SMTNL2: variants seen among roughly 807,000 people sequenced by gnomAD.
SMTNL2 encodes the protein smoothelin like 2.
In SMTNL2, 43 loss-of-function variants were observed where a neutral mutation model predicts 44.1. The observed-to-expected ratio is 0.98, with a 90% CI of 0.76 to 1.26. The LOEUF (loss-of-function observed/expected upper bound fraction) is 1.26, where lower values mean the gene tolerates loss of function less well. Among genes scored for constraint, SMTNL2 ranks in the 50% most tolerant of loss-of-function variants. SMTNL2 has a pLI of 0.00. For synonymous variants in SMTNL2, 317 were observed against 287.6 expected (o/e 1.10, Z -1.03); for missense variants, 646 against 670.2 (o/e 0.96, Z 0.40).
intron 1 of SMTNL2, among the ~76,000 whole-genome samples, chr17:4,590,719 G>A (rs1218176762): frequency 7.2e-5 from 11 of 151,972 alleles, no homozygotes; most frequent in Admixed American, 4.6e-4. Context: ...CTTCTTGCCC[G>A]TGGCCCTCCC....
At chr17:4,584,444 G>A (rs566511428), upstream of SMTNL2, 3 of 714,372 alleles carry the variant, frequency 4.2e-6, no homozygotes, top group Non-Finnish European at 5.7e-6. Context: ...GGGTGTCCCG[G>A]AGTCGTCCCC....
chr17:4,603,175 C>T (rs1208916290), intron 7 of SMTNL2, among the ~76,000 whole-genome samples: 1 of 152,110 alleles, frequency 6.6e-6, no homozygotes, highest in Non-Finnish European at 1.5e-5. Flanking sequence ...CTGGACAACA[C>T]CCGGAAAATG....
chr17:4,597,554 T>C (rs1441453560), intron 7 of SMTNL2, among the ~76,000 whole-genome samples: 1 of 152,160 alleles, frequency 6.6e-6, no homozygotes, highest in East Asian at 1.9e-4. Context: ...ACTCCGTTCC[T>C]GGGGACCTGC....
chr17:4,584,906 A>G lies in SMTNL2; in HGVS notation c.301A>G (p.Ser101Gly). ...GGTGCCCGGCACTCCCGGCACGCCC[A>G]GCCCCCCGCCCGCGCCCGGGGTTCC... The part of the protein sequence containing the change: ...SPVPGTPGTP[S>G]PPPAPGVPDR... Residue 101 changes from serine (S) to glycine (G), a missense_variant, in exon 1 of 8, where the codon AGC becomes GGC. Ser to Gly is a moderately conservative substitution (Grantham distance 56). Transcript: ENST00000389313. 1 of 1,293,048 alleles carries G rather than the reference A, an allele frequency of 7.7e-7. No homozygotes were observed. Among genetic ancestry groups the G allele is most frequent in the Non-Finnish European group, 9.8e-7 (1 of 1,025,518 alleles). 80.1% of individuals were successfully genotyped at this position (1,293,048 alleles called of 1,614,324 possible). A position where few individuals can be genotyped will look rare whatever the true frequency, so the allele number is the denominator to read the frequency against.
Position 4,598,931 on chromosome 17 carries a change from T to TGGCCCC in SMTNL2, c.1259+1615_1259+1620dup, listed in dbSNP as rs1909923280. On this transcript the variant is annotated intron_variant, in intron 7 of 7. Coordinates refer to ENST00000389313, the MANE Select transcript of SMTNL2 (RefSeq NM_001114974.2). This position sits in a 1 kb window ranked among gnomAD's most constrained non-coding sequence, Gnocchi z 4.8. ...TTTCCCAGCCCAACCACCAACCACCTGGCCCCGGCCCCAGCCCCGGCCCTG... is the reference window on the plus strand; with the variant it reads ...TTTCCCAGCCCAACCACCAACCACCTGGCCCCGGCCCCGGCCCCAGCCCCGGCCCTG... 6.6e-6 allele frequency among the ~76,000 whole-genome samples: 1 copy of TGGCCCC among 151,840 alleles called. No individual in the cohort carries two copies. The highest frequency in any genetic ancestry group is 1.5e-5 in the Non-Finnish European group (1 of 67,980).
rs564597192 is a variant in SMTNL2 at position 4,598,037 on chromosome 17, G to A, written c.1259+714G>A. On this transcript the variant is annotated intron_variant, in intron 7 of 7. Coordinates refer to ENST00000389313, the MANE Select transcript of SMTNL2 (RefSeq NM_001114974.2). The surrounding 1 kb of genome is among the most constrained non-coding windows in gnomAD (Gnocchi z 4.8). ...TAATAAAGGGACCCTTTACAAAGGC[G>A]TGGGCAGGAATGAGGTCGTGGGTCA... Among the ~76,000 whole-genome samples, 48 of 152,318 alleles carry A rather than the reference G, an allele frequency of 3.2e-4. No individual in the cohort carries two copies. Among genetic ancestry groups the A allele is most frequent in the African/African-American group, 1.1e-3 (47 of 41,578 alleles).
chr17:4,592,231 C>A lies in SMTNL2; in HGVS notation c.400-130C>A. Reference sequence around the variant, plus strand: ...TGTGACTTGGCCCGTCACTTTCTTCCTGGGGGCTGTTTTCTCTCAACATGA... The same window carrying A: ...TGTGACTTGGCCCGTCACTTTCTTCATGGGGGCTGTTTTCTCTCAACATGA... On this transcript the variant is annotated intron_variant, in intron 1 of 7. Transcript: ENST00000389313. The surrounding 1 kb of genome is among the most constrained non-coding windows in gnomAD (Gnocchi z 4.5). 1 of 838,500 alleles carries A rather than the reference C, an allele frequency of 1.2e-6. No individual in the cohort carries two copies. The highest frequency in any genetic ancestry group is 1.9e-6 in the Non-Finnish European group (1 of 528,080). The allele number at this position is 838,500 out of a possible 1,614,324, so 51.9% of individuals were successfully genotyped here.
At position 4,607,018 on chromosome 17, in the gene SMTNL2, G is replaced by A. The variant is rs561669484; in HGVS notation, c.1260-343G>A. Among the ~76,000 whole-genome samples the A allele has an allele frequency of 2.0e-5, 3 of 152,272 alleles. No homozygotes were observed. Among genetic ancestry groups the A allele is most frequent in the African/African-American group, 7.2e-5 (3 of 41,552 alleles). ...GAGGATCACTTGGGCCTAGGAGATC[G>A]AGGCTGCAATAAGCTAGGATCGTGC... On this transcript the variant is annotated intron_variant, in intron 7 of 7. Coordinates refer to ENST00000389313, the MANE Select transcript of SMTNL2 (RefSeq NM_001114974.2). This position sits in a 1 kb window ranked among gnomAD's most constrained non-coding sequence, Gnocchi z 4.7.
chr17:4,590,076 C>T (rs1909510526), intron 1 of SMTNL2, among the ~76,000 whole-genome samples: 1 of 148,956 alleles, frequency 6.7e-6, no homozygotes, highest in Admixed American at 6.9e-5. Context: ...AAGCGATTCT[C>T]ATGCCTCAGC....
chr17:4,601,716 A>C (rs2326065), intron 7 of SMTNL2, among the ~76,000 whole-genome samples: 131,123 of 151,088 alleles, frequency 0.87, 56,922 homozygotes, highest in African/African-American at 0.9. Context: ...GACGGGGTCT[A>C]ACTATGTTGG....
intron 4 of SMTNL2, among the ~76,000 whole-genome samples, chr17:4,594,359 G>C (rs1178876030): frequency 6.6e-6 from 1 of 152,118 alleles, no homozygotes; most frequent in Admixed American, 6.5e-5. Context: ...TGAGGCAGGA[G>C]AATCGCTTGA....
At position 4,596,732 on chromosome 17, in the gene SMTNL2, C is replaced by T. The variant is rs894940528; in HGVS notation, c.990-128C>T. On this transcript the variant is annotated intron_variant, in intron 5 of 7. Coordinates refer to ENST00000389313, the MANE Select transcript of SMTNL2 (RefSeq NM_001114974.2). ...AGCCCACGTGTGCCACCAGCATCTC[C>T]CCTGGGTGAGCAGAGCAGGTGGGAG... The T allele has an allele frequency of 5.2e-6, 4 of 766,788 alleles. No individual in the cohort carries two copies. In the African/African-American group the frequency reaches 5.4e-5, roughly 10 times the overall value. 47.5% of individuals were successfully genotyped at this position (766,788 alleles called of 1,614,324 possible). A position where few individuals can be genotyped will look rare whatever the true frequency, so the allele number is the denominator to read the frequency against.
chr17:4,594,863 G>T (rs1320530843), intron 4 of SMTNL2, among the ~76,000 whole-genome samples: 1 of 152,160 alleles, frequency 6.6e-6, no homozygotes, highest in Non-Finnish European at 1.5e-5. Context: ...CTGAGGAGGG[G>T]GTCCCTCTGT....
chr17:4,598,546 G>A lies in SMTNL2; in HGVS notation c.1259+1223G>A, dbSNP rs145871990. Among the ~76,000 whole-genome samples the A allele has an allele frequency of 3.6e-4, 55 of 152,260 alleles. 1 individual carries two copies. In the East Asian group the frequency reaches 0.01, roughly 28 times the overall value. ...CCACATTTAAGAGTGGTCCTTGGCC[G>A]GGCACGGTGGCTCCCACCTGTAATC... On this transcript the variant is annotated intron_variant, in intron 7 of 7. Coordinates refer to ENST00000389313, the MANE Select transcript of SMTNL2 (RefSeq NM_001114974.2). This position sits in a 1 kb window ranked among gnomAD's most constrained non-coding sequence, Gnocchi z 4.8.
rs1365917782 is a variant in SMTNL2 at position 4,597,341 on chromosome 17, T to G, written c.1259+18T>G. On this transcript the variant is annotated intron_variant, in intron 7 of 7. Transcript: ENST00000389313. ...ATGGCCGAGTGAGTATGGTGGCTCCTGCTGGCTACCAGCCCCAGCCCAGTC... is the reference window on the plus strand; with the variant it reads ...ATGGCCGAGTGAGTATGGTGGCTCCGGCTGGCTACCAGCCCCAGCCCAGTC... 2 of 1,612,232 alleles carry G rather than the reference T, an allele frequency of 1.2e-6. No homozygotes were observed. The highest frequency in any genetic ancestry group is 1.7e-6 in the Non-Finnish European group (2 of 1,178,796).
chr17:4,594,466 A>AATAAATAT (rs373493460), intron 4 of SMTNL2, among the ~76,000 whole-genome samples: 1 of 151,056 alleles, frequency 6.6e-6, no homozygotes, highest in East Asian at 1.9e-4. Context: ...TAAATAAATA[A>AATAAATAT]ATAAATAAAT....
At chr17:4,599,195 C>T (rs1338327217) in intron 7 of SMTNL2, among the ~76,000 whole-genome samples, 1 of 152,222 alleles carries the variant, frequency 6.6e-6, no homozygotes, top group Non-Finnish European at 1.5e-5. Flanking sequence ...ACTCAGCCCC[C>T]TGGGGTCACA....
At chr17:4,602,479 T>A (rs896142807) in intron 7 of SMTNL2, among the ~76,000 whole-genome samples, 1 of 151,864 alleles carries the variant, frequency 6.6e-6, no homozygotes, top group Non-Finnish European at 1.5e-5. Flanking sequence ...TGCGCCACCA[T>A]GCCCAGCTAA....
intron 7 of SMTNL2, among the ~76,000 whole-genome samples, chr17:4,605,706 TACA>T (rs1241030617): frequency 2.6e-5 from 4 of 152,138 alleles, no homozygotes; most frequent in Admixed American, 6.5e-5. Context: ...CCCCTGGAAC[TACA>T]AAAGTACACA....
Sources: allele counts gnomAD v4.1 joint callset (sites outside exome capture counted in the v4.1 genomes callset), GRCh38; gene constraint gnomAD v4.1.1; non-coding constraint Gnocchi (gnomAD v3.1); transcripts MANE v1.5; gene names NCBI Gene and HGNC (gene_info 2026-07-23, HGNC 2026-07-21).